Variants in ZNF385D observed in about 807,000 individuals in gnomAD.
ZNF385D encodes zinc finger protein 659.
In ZNF385D, 15 loss-of-function variants were observed where a neutral mutation model predicts 35.8. The observed-to-expected ratio is 0.42, with a 90% CI of 0.28 to 0.64. The LOEUF (loss-of-function observed/expected upper bound fraction) is 0.64. Ranked by LOEUF, ZNF385D falls within the 30% of genes least tolerant of loss-of-function variation. The pLI, the probability that ZNF385D is intolerant of heterozygous loss-of-function variation, is 0.23. For synonymous variants in ZNF385D, 212 were observed against 186.8 expected, an observed-to-expected ratio of 1.13 and a Z score of -1.10; for missense variants, 474 against 494.6, an observed-to-expected ratio of 0.96 and a Z score of 0.39.
intron 3 of ZNF385D, among the ~76,000 whole-genome samples, chr3:22,128,757 C>T (rs1426232705): frequency 6.6e-6 from 1 of 152,060 alleles, no homozygotes. Flanking sequence ...TTAGTTATTT[C>T]AATGGCTTTG....
chr3:21,445,345 C>G (rs1702090652), intron 4 of ZNF385D, among the ~76,000 whole-genome samples: 1 of 152,160 alleles, frequency 6.6e-6, no homozygotes, highest in African/African-American at 2.4e-5. Flanking sequence ...GGTTACAAGA[C>G]TGATCAGGTG....
At chr3:21,607,900 G>T (rs765860658) in intron 2 of ZNF385D, among the ~76,000 whole-genome samples, 1 of 151,538 alleles carries the variant, frequency 6.6e-6, no homozygotes, top group Non-Finnish European at 1.5e-5. Context: ...CTACTTTTGA[G>T]TTTTCATGAG....
chr3:22,125,214 G>T (rs1411643299), intron 3 of ZNF385D, among the ~76,000 whole-genome samples: 2 of 152,062 alleles, frequency 1.3e-5, no homozygotes, highest in Admixed American at 1.3e-4. Flanking sequence ...TGTTAAAAAT[G>T]ACTTCATTGT....
At chr3:21,654,723 C>A (rs899029500) in intron 2 of ZNF385D, among the ~76,000 whole-genome samples, 1 of 151,912 alleles carries the variant, frequency 6.6e-6, no homozygotes, top group African/African-American at 2.4e-5. Context: ...AGCCATAATT[C>A]TTGATTGGTT....
chr3:21,683,359 T>C (rs2066977493), intron 1 of ZNF385D, among the ~76,000 whole-genome samples: 1 of 149,636 alleles, frequency 6.7e-6, no homozygotes. Flanking sequence ...AGAGATTCAT[T>C]TGTAATCCCA....
At chr3:21,709,897 C>A (rs1419959594) in intron 1 of ZNF385D, among the ~76,000 whole-genome samples, 2 of 152,130 alleles carry the variant, frequency 1.3e-5, no homozygotes. Flanking sequence ...ACAAACTGTC[C>A]TTCAATGAAG....
chr3:22,033,444 A>G (rs537314664), intron 3 of ZNF385D, among the ~76,000 whole-genome samples: 4 of 119,678 alleles, frequency 3.3e-5, no homozygotes, highest in Non-Finnish European at 6.8e-5. Context: ...ATAATAATGC[A>G]CAGTGATATG....
chr3:22,346,096 A>T (rs560249697), intron 2 of ZNF385D, among the ~76,000 whole-genome samples: 123 of 152,228 alleles, frequency 8.1e-4, no homozygotes, highest in African/African-American at 2.9e-3. Flanking sequence ...ATGGAAATTG[A>T]ATGTCTGCTT....
chr3:22,198,484 T>C (rs1011798624), intron 2 of ZNF385D, among the ~76,000 whole-genome samples: 1 of 152,082 alleles, frequency 6.6e-6, no homozygotes, highest in Admixed American at 6.6e-5. Flanking sequence ...GAAATACACT[T>C]TCATAGAATA....
chr3:22,363,055 A>G (rs1696488470), intron 2 of ZNF385D, among the ~76,000 whole-genome samples: 1 of 152,084 alleles, frequency 6.6e-6, no homozygotes, highest in East Asian at 1.9e-4. Context: ...GCTGTGCCCT[A>G]CTTATTACTT....
chr3:21,534,443 T>G (rs994663891), intron 3 of ZNF385D, among the ~76,000 whole-genome samples: 50 of 151,922 alleles, frequency 3.3e-4, no homozygotes, highest in African/African-American at 1.2e-3. Flanking sequence ...GGTGGTTCAG[T>G]TCTTCAAACA....
intron 3 of ZNF385D, among the ~76,000 whole-genome samples, chr3:21,882,582 A>G (rs1468881863): frequency 6.6e-6 from 1 of 151,912 alleles, no homozygotes; most frequent in Non-Finnish European, 1.5e-5. Flanking sequence ...ACTTGCACTA[A>G]CTCTGAGTCG....
At chr3:21,835,336 G>C (rs1396397081) in intron 3 of ZNF385D, among the ~76,000 whole-genome samples, 7 of 151,774 alleles carry the variant, frequency 4.6e-5, no homozygotes, top group African/African-American at 1.7e-4. Flanking sequence ...GTAGCAAATG[G>C]CTCACGATCC....
chr3:22,161,236 CATT>C (rs1705928434), intron 3 of ZNF385D, among the ~76,000 whole-genome samples: 1 of 151,976 alleles, frequency 6.6e-6, no homozygotes, highest in Non-Finnish European at 1.5e-5. Context: ...GATATACAAA[CATT>C]GTTATAATGC....
chr3:22,123,563 A>C (rs1205012946), intron 3 of ZNF385D, among the ~76,000 whole-genome samples: 1 of 152,160 alleles, frequency 6.6e-6, no homozygotes, highest in Non-Finnish European at 1.5e-5. Flanking sequence ...TACAACAAAA[A>C]ATTATTGCTG....
At chr3:21,751,215 G>A, upstream of ZNF385D, 2 of 1,307,138 alleles carry the variant, frequency 1.5e-6, no homozygotes, top group Non-Finnish European at 2.0e-6. Flanking sequence ...AGGACTGAGA[G>A]TACTACAAGC....
chr3:21,449,352 A>T (rs541609018), intron 4 of ZNF385D, among the ~76,000 whole-genome samples: 3 of 151,934 alleles, frequency 2.0e-5, no homozygotes, highest in East Asian at 3.9e-4. Context: ...ATTCCATTTC[A>T]CTCGTTGGGA....
At chr3:21,598,478 A>G (rs17009110) in intron 2 of ZNF385D, among the ~76,000 whole-genome samples, 2,041 of 152,362 alleles carry the variant, frequency 0.013, 46 homozygotes, top group African/African-American at 0.046. Context: ...GGAACATCAT[A>G]TGTGAGTAAA....
chr3:21,955,756 A>G (rs368530361), intron 3 of ZNF385D, among the ~76,000 whole-genome samples: 11 of 152,278 alleles, frequency 7.2e-5, no homozygotes, highest in African/African-American at 2.6e-4. Context: ...GGTTAGCTTC[A>G]TCATTTATTA....
Sources: gnomAD v4.1 joint callset for allele counts (sites outside exome capture counted in the v4.1 genomes callset) on GRCh38, gnomAD v4.1.1 for gene constraint, MANE v1.5 for transcripts, NCBI Gene and HGNC (gene_info 2026-07-23, HGNC 2026-07-21) for gene names.